ANKFN1: variants seen among roughly 807,000 people sequenced by gnomAD.
ANKFN1 encodes ankyrin repeat and fibronectin type-III domain-containing protein 1.
In ANKFN1, 74 loss-of-function variants were observed where a neutral mutation model predicts 108.7. That is an observed-to-expected ratio of 0.68 (90% CI 0.56 to 0.83). ANKFN1 has a LOEUF of 0.83. ANKFN1 is among the 40% of genes least tolerant of loss of function. The pLI is 0.00. For synonymous variants in ANKFN1, 547 were observed against 516.2 expected (o/e 1.06, Z -0.81); for missense variants, 1,505 against 1,382.3 (o/e 1.09, Z -1.41).
intron 4 of ANKFN1, among the ~76,000 whole-genome samples, chr17:56,053,305 C>A (rs1386652750): frequency 6.6e-6 from 1 of 152,120 alleles, no homozygotes; most frequent in Non-Finnish European, 1.5e-5. Flanking sequence ...ACCTCACTAC[C>A]CTTCCCAGCC....
chr17:56,360,227 C>CCT (rs1230100383), intron 6 of ANKFN1, among the ~76,000 whole-genome samples: 1 of 152,202 alleles, frequency 6.6e-6, no homozygotes, highest in Non-Finnish European at 1.5e-5. Flanking sequence ...CCCACACCAC[C>CCT]CTCCATTCTG....
intron 4 of ANKFN1, among the ~76,000 whole-genome samples, chr17:56,337,896 G>A (rs1185742941): frequency 6.6e-6 from 1 of 152,082 alleles, no homozygotes; most frequent in Non-Finnish European, 1.5e-5. Context: ...GACAGTGTGG[G>A]GATTCCTCAA....
rs1598326490 is a variant in ANKFN1, at chr17:56,266,313, G to A, written c.53+38356G>A. 3.3e-5 allele frequency among the ~76,000 whole-genome samples: 5 copies of A among 152,198 alleles called. 1 individual carries two copies. In the East Asian group the frequency reaches 9.7e-4, roughly 29 times the overall value. On this transcript the variant is annotated intron_variant, in intron 3 of 20. Transcript: ENST00000682825. Reference sequence around the variant, plus strand: ...TCTGTGGCCTCCCAGACACATTGTTGTTGAATCATCATGAGTCTGTATGCT... The same window carrying A: ...TCTGTGGCCTCCCAGACACATTGTTATTGAATCATCATGAGTCTGTATGCT...
At chr17:56,056,366 C>T (rs900303368) in intron 4 of ANKFN1, among the ~76,000 whole-genome samples, 1 of 100,666 alleles carries the variant, frequency 9.9e-6, no homozygotes, top group Non-Finnish European at 1.9e-5. Flanking sequence ...ATAGTCAAAA[C>T]AATTCTAAGC....
At chr17:56,482,601 C>G in intron 18 of ANKFN1, 77 bp downstream of exon 18, 1 of 1,512,970 alleles carries the variant, frequency 6.6e-7, no homozygotes, top group Non-Finnish European at 8.9e-7. Context: ...TCTGTTCCCC[C>G]TTGTCCCAGT....
intron 18 of ANKFN1, among the ~76,000 whole-genome samples, chr17:56,483,025 T>C (rs1308051692): frequency 1.3e-5 from 2 of 152,186 alleles, no homozygotes; most frequent in African/African-American, 4.8e-5. Flanking sequence ...GAAAAAAGCC[T>C]ACAATTTTAA....
chr17:56,427,841 G>A (rs1265592522), intron 8 of ANKFN1, among the ~76,000 whole-genome samples: 1 of 152,128 alleles, frequency 6.6e-6, no homozygotes, highest in Non-Finnish European at 1.5e-5. Flanking sequence ...AGGCTGTGTG[G>A]ATCTGAGCTA....
intron 3 of ANKFN1, among the ~76,000 whole-genome samples, chr17:56,302,751 A>G (rs1211018032): frequency 6.6e-6 from 1 of 152,202 alleles, no homozygotes; most frequent in East Asian, 1.9e-4. Flanking sequence ...CTACCAAACC[A>G]AGAGACATAC....
intron 8 of ANKFN1, among the ~76,000 whole-genome samples, chr17:56,386,429 A>G (rs1380033233): frequency 1.3e-5 from 2 of 152,020 alleles, no homozygotes; most frequent in African/African-American, 4.8e-5. Context: ...TATGTAACTA[A>G]CCTGCACATT....
chr17:56,409,166 C>T lies in ANKFN1; in HGVS notation c.911-31161C>T, dbSNP rs2048012363. Among the ~76,000 whole-genome samples, 2 of 152,226 alleles carry T rather than the reference C, an allele frequency of 1.3e-5. 1 individual carries two copies. The highest frequency in any genetic ancestry group is 4.2e-4 in the South Asian group (2 of 4,810). On this transcript the variant is annotated intron_variant, in intron 8 of 20. Coordinates refer to ENST00000682825, the MANE Select transcript of ANKFN1 (RefSeq NM_001370326.1). ...TCTCGAACTCCTGATCTCAGGTGAT[C>T]CACCTGCCTCGGACTCCCAAAGTGC...
intron 4 of ANKFN1, among the ~76,000 whole-genome samples, chr17:56,111,917 A>G (rs1022947114): frequency 4.6e-5 from 7 of 152,240 alleles, no homozygotes; most frequent in African/African-American, 1.7e-4. Context: ...TGAACCAAGG[A>G]CAAAAATGGT....
intron 1 of ANKFN1, among the ~76,000 whole-genome samples, chr17:56,201,269 C>T (rs1978282): frequency 0.028 from 4,231 of 152,266 alleles, 215 homozygotes; most frequent in African/African-American, 0.097. Flanking sequence ...CAAGCCTTTA[C>T]ATCGCTGTTC....
At chr17:56,419,891 T>G (rs1484000570) in intron 8 of ANKFN1, among the ~76,000 whole-genome samples, 1 of 152,092 alleles carries the variant, frequency 6.6e-6, no homozygotes, top group African/African-American at 2.4e-5. Flanking sequence ...ATGGATTCCC[T>G]TTAGCATAAC....
intron 4 of ANKFN1, among the ~76,000 whole-genome samples, chr17:56,124,480 C>T (rs1417060293): frequency 6.6e-6 from 1 of 152,138 alleles, no homozygotes; most frequent in African/African-American, 2.4e-5. Context: ...ACAGGACAGG[C>T]CCCAGTGTCC....
chr17:56,436,662 T>C (rs138140555), intron 8 of ANKFN1, among the ~76,000 whole-genome samples: 1 of 152,032 alleles, frequency 6.6e-6, no homozygotes, highest in African/African-American at 2.4e-5. Flanking sequence ...AAACCCCGTC[T>C]CTACTAAATA....
At chr17:56,438,593 C>G (rs2048999004) in intron 8 of ANKFN1, among the ~76,000 whole-genome samples, 1 of 152,114 alleles carries the variant, frequency 6.6e-6, no homozygotes. Context: ...CAGGATCACA[C>G]TCTGTGGCCC....
intron 15 of ANKFN1, among the ~76,000 whole-genome samples, chr17:56,467,090 T>A (rs2050100048): frequency 6.6e-6 from 1 of 152,130 alleles, no homozygotes; most frequent in South Asian, 2.1e-4. Flanking sequence ...CCCTCCAGCC[T>A]GGACAACAGA....
chr17:56,102,419 C>T (rs191852768), intron 4 of ANKFN1, among the ~76,000 whole-genome samples: 125 of 152,318 alleles, frequency 8.2e-4, no homozygotes, highest in Admixed American at 2.0e-3. Context: ...ATGTTCCCTA[C>T]ATTCTGTTTA....
At chr17:56,422,471 G>T (rs984295145) in intron 8 of ANKFN1, among the ~76,000 whole-genome samples, 3 of 149,546 alleles carry the variant, frequency 2.0e-5, no homozygotes, top group Non-Finnish European at 4.4e-5. Flanking sequence ...ACACACACAC[G>T]CACGCATGCA....
Sources: gnomAD v4.1 joint callset for allele counts (sites outside exome capture counted in the v4.1 genomes callset) on GRCh38, gnomAD v4.1.1 for gene constraint, MANE v1.5 for transcripts, NCBI Gene and HGNC (gene_info 2026-07-23, HGNC 2026-07-21) for gene names.